KHDRBS2: variants seen among roughly 807,000 people sequenced by gnomAD.
KHDRBS2 encodes the protein KH RNA binding domain containing, signal transduction associated 2.
In KHDRBS2, 26 loss-of-function variants were observed where a neutral mutation model predicts 44.3. The observed-to-expected ratio is 0.59, with a 90% CI of 0.43 to 0.81. KHDRBS2 has a LOEUF of 0.81. Among genes scored for constraint, KHDRBS2 ranks in the 40% least tolerant of loss-of-function variants. KHDRBS2 has a pLI of 0.00. For missense variants in KHDRBS2, 476 were observed against 433.1 expected (o/e 1.10, Z -0.88); for synonymous variants, 194 against 151.1 (o/e 1.28, Z -2.08).
chr6:61,601,151 C>A, the KHDRBS2 span, among the ~76,000 whole-genome samples: 29 of 152,104 alleles, frequency 1.9e-4, no homozygotes, highest in Non-Finnish European at 3.4e-4. Flanking sequence ...CAGCCCAGGG[C>A]TGCTCACCCA....
chr6:61,702,635 A>C (rs1768868782), intron 7 of KHDRBS2, among the ~76,000 whole-genome samples: 1 of 151,964 alleles, frequency 6.6e-6, no homozygotes, highest in African/African-American at 2.4e-5. Flanking sequence ...GAACATTTTA[A>C]AGGAAATTTG....
chr6:61,997,017 G>A (rs564065416), intron 3 of KHDRBS2, among the ~76,000 whole-genome samples: 28 of 152,034 alleles, frequency 1.8e-4, no homozygotes, highest in East Asian at 5.8e-4. Context: ...TCCTGACCTC[G>A]TGATCCGCCC....
chr6:61,596,934 G>A, the KHDRBS2 span, among the ~76,000 whole-genome samples: 1 of 152,124 alleles, frequency 6.6e-6, no homozygotes, highest in Non-Finnish European at 1.5e-5. Context: ...ACAGGTGTGA[G>A]CCACCGTGCC....
At chr6:61,856,754 A>G (rs1796214569) in intron 6 of KHDRBS2, among the ~76,000 whole-genome samples, 2 of 151,916 alleles carry the variant, frequency 1.3e-5, no homozygotes, top group African/African-American at 4.8e-5. Flanking sequence ...GTACAGGTGC[A>G]TTTTCATGCT....
the KHDRBS2 span, among the ~76,000 whole-genome samples, chr6:61,546,899 C>G: frequency 6.6e-6 from 1 of 151,890 alleles, no homozygotes; most frequent in Non-Finnish European, 1.5e-5. Flanking sequence ...ATTCATTCAT[C>G]CATTTTCCAA....
At chr6:61,712,470 T>A (rs1770668962) in intron 7 of KHDRBS2, among the ~76,000 whole-genome samples, 1 of 151,868 alleles carries the variant, frequency 6.6e-6, no homozygotes, top group African/African-American at 2.4e-5. Flanking sequence ...AGGTAGGTGT[T>A]GTTTCAGTTT....
At chr6:61,849,635 T>G (rs918734006) in intron 6 of KHDRBS2, among the ~76,000 whole-genome samples, 1 of 151,590 alleles carries the variant, frequency 6.6e-6, no homozygotes, top group African/African-American at 2.4e-5. Context: ...AAACAAAGTT[T>G]TTTTTTTTTT....
chr6:61,914,933 T>C (rs2127354289), intron 4 of KHDRBS2, among the ~76,000 whole-genome samples: 2 of 152,258 alleles, frequency 1.3e-5, no homozygotes, highest in South Asian at 4.1e-4. Flanking sequence ...TCCAGGTAGA[T>C]GTCCATGTGT....
chr6:62,206,147 C>A (rs566802515), intron 1 of KHDRBS2, among the ~76,000 whole-genome samples: 5 of 152,232 alleles, frequency 3.3e-5, no homozygotes, highest in African/African-American at 1.2e-4. Flanking sequence ...GAGAACCTCA[C>A]TAAAAGTATC....
At chr6:62,162,462 T>C (rs1380757301) in intron 2 of KHDRBS2, among the ~76,000 whole-genome samples, 1 of 152,154 alleles carries the variant, frequency 6.6e-6, no homozygotes, top group Non-Finnish European at 1.5e-5. Context: ...CTATTAAGTA[T>C]ACCTGTGTGT....
At chr6:61,551,913 T>C in the KHDRBS2 span, among the ~76,000 whole-genome samples, 1 of 152,100 alleles carries the variant, frequency 6.6e-6, no homozygotes, top group Non-Finnish European at 1.5e-5. Flanking sequence ...TGTCATTATA[T>C]ATCCCATGTG....
At chr6:62,225,243 C>A (rs1028160017) in intron 1 of KHDRBS2, among the ~76,000 whole-genome samples, 1 of 152,154 alleles carries the variant, frequency 6.6e-6, no homozygotes, top group African/African-American at 2.4e-5. Flanking sequence ...ACTTATCCCA[C>A]TGATCTTTGT....
At chr6:62,150,165 T>G (rs1374785896) in intron 2 of KHDRBS2, among the ~76,000 whole-genome samples, 1 of 152,104 alleles carries the variant, frequency 6.6e-6, no homozygotes, top group African/African-American at 2.4e-5. Context: ...CTGTGTTGGG[T>G]TGGTTCATCC....
At chr6:62,078,189 C>A (rs144176331) in intron 2 of KHDRBS2, among the ~76,000 whole-genome samples, 2 of 151,938 alleles carry the variant, frequency 1.3e-5, no homozygotes, top group South Asian at 4.2e-4. Flanking sequence ...ATAAAACTGT[C>A]CAAATGTAAA....
the KHDRBS2 span, among the ~76,000 whole-genome samples, chr6:61,583,555 C>G: frequency 6.6e-6 from 1 of 151,678 alleles, no homozygotes; most frequent in Admixed American, 6.6e-5. Flanking sequence ...AATTTTCACT[C>G]TATTTTGTTC....
chr6:62,163,309 T>G (rs960246990), intron 2 of KHDRBS2, among the ~76,000 whole-genome samples: 36 of 152,018 alleles, frequency 2.4e-4, no homozygotes, highest in African/African-American at 8.7e-4. Flanking sequence ...AGTGGAAACT[T>G]ACAGGAATAA....
At chr6:61,720,302 A>C (rs1772226773) in intron 7 of KHDRBS2, among the ~76,000 whole-genome samples, 2 of 152,150 alleles carry the variant, frequency 1.3e-5, no homozygotes, top group South Asian at 2.1e-4. Flanking sequence ...CAGTAATGGG[A>C]TGGCTGGGTC....
chr6:62,222,833 G>A (rs558614894), intron 1 of KHDRBS2, among the ~76,000 whole-genome samples: 32 of 152,284 alleles, frequency 2.1e-4, no homozygotes, highest in Non-Finnish European at 2.9e-5. Context: ...TCCAGGTCAC[G>A]CTGAAGCAAG....
At chr6:62,185,216 A>G (rs1331029016) in intron 1 of KHDRBS2, among the ~76,000 whole-genome samples, 1 of 151,938 alleles carries the variant, frequency 6.6e-6, no homozygotes, top group Non-Finnish European at 1.5e-5. Flanking sequence ...AGTTTATTTT[A>G]CCCATCGTTA....
Sources: gnomAD v4.1 joint callset for allele counts (sites outside exome capture counted in the v4.1 genomes callset) on GRCh38, gnomAD v4.1.1 for gene constraint, MANE v1.5 for transcripts, NCBI Gene and HGNC (gene_info 2026-07-23, HGNC 2026-07-21) for gene names.